The following AAK1 variants were observed in gnomAD, a reference collection of about 807,000 sequenced individuals.
The protein encoded by AAK1 is AP2-associated protein kinase 1.
Under a neutral mutation model 116.0 loss-of-function variants are expected in AAK1, and 37 were observed. The ratio of observed to expected loss-of-function variants is 0.32; its 90% CI spans 0.25 to 0.42. The LOEUF (loss-of-function observed/expected upper bound fraction) is 0.42. Among genes scored for constraint, AAK1 ranks in the 10% least tolerant of loss-of-function variants. The pLI, the probability that AAK1 is intolerant of heterozygous loss-of-function variation, is 1.00. For missense variants in AAK1, 919 were observed against 1,170.6 expected (o/e 0.79, Z 3.14); for synonymous variants, 458 against 439.9 (o/e 1.04, Z -0.51).
intron 2 of AAK1, among the ~76,000 whole-genome samples, chr2:69,609,290 GA>G (rs1184323049): frequency 6.6e-6 from 1 of 152,148 alleles, no homozygotes; most frequent in Non-Finnish European, 1.5e-5. Context: ...CTAAACCCAG[GA>G]GGGGGAGGTT....
rs1187503864 is a variant in AAK1 at position 69,463,137 on chromosome 2, G to C, written c.*12732C>G. 6.6e-6 allele frequency: 1 copy of C among 152,096 alleles called. No individual in the cohort carries two copies. Among genetic ancestry groups the C allele is most frequent in the Non-Finnish European group, 1.5e-5 (1 of 68,024 alleles). 9.4% of individuals were successfully genotyped at this position (152,096 alleles called of 1,614,324 possible). On this transcript the variant is annotated 3_prime_UTR_variant, in exon 22 of 22. Transcript: ENST00000409085. ...ACACCTAATCAACCGCAATAGAATT[G>C]GGCATTCAGACTTGATTCTTAGATG...
intron 2 of AAK1, among the ~76,000 whole-genome samples, chr2:69,602,112 G>A (rs1301444534): frequency 1.3e-5 from 2 of 152,134 alleles, no homozygotes; most frequent in African/African-American, 4.8e-5. Flanking sequence ...AGTAGAACTG[G>A]CCTGTAAACT....
At chr2:69,492,180 T>A (rs1320188002) in intron 17 of AAK1, among the ~76,000 whole-genome samples, 1 of 152,110 alleles carries the variant, frequency 6.6e-6, no homozygotes, top group East Asian at 1.9e-4. Flanking sequence ...TTAAAAGTCA[T>A]TGAAACGCAT....
chr2:69,492,296 C>T (rs765937797), intron 17 of AAK1, among the ~76,000 whole-genome samples: 8 of 151,790 alleles, frequency 5.3e-5, no homozygotes, highest in Non-Finnish European at 1.2e-4. Flanking sequence ...TCACTGCAAT[C>T]TCTGCCTCCC....
chr2:69,480,811 G>T, intron 19 of AAK1, 49 bp downstream of exon 19: 1 of 1,494,792 alleles, frequency 6.7e-7, no homozygotes, highest in Non-Finnish European at 9.1e-7. Context: ...CTGGCTCAGA[G>T]GTTCACCACA....
intron 14 of AAK1, among the ~76,000 whole-genome samples, chr2:69,507,914 C>T (rs1325488909): frequency 6.6e-6 from 1 of 152,094 alleles, no homozygotes; most frequent in African/African-American, 2.4e-5. Flanking sequence ...AACATGTTGG[C>T]CAGGCTGGTC....
chr2:69,599,295 T>C (rs1393271661), intron 2 of AAK1, among the ~76,000 whole-genome samples: 4 of 151,936 alleles, frequency 2.6e-5, no homozygotes, highest in African/African-American at 9.7e-5. Flanking sequence ...GAAAGCAATG[T>C]AGAGTTTTAC....
intron 3 of AAK1, among the ~76,000 whole-genome samples, chr2:69,551,261 A>C (rs933773667): frequency 2.0e-4 from 30 of 152,114 alleles, no homozygotes; most frequent in Admixed American, 1.8e-3. Flanking sequence ...AGGGAGAGAG[A>C]GCATCAGGAA....
chr2:69,526,009 G>C (rs560034947), intron 9 of AAK1, among the ~76,000 whole-genome samples: 1 of 152,126 alleles, frequency 6.6e-6, no homozygotes, highest in Admixed American at 6.6e-5. Context: ...GTTTCCAGGT[G>C]GGGGGAGATT....
rs1343518565 is a variant in AAK1 at position 69,640,053 on chromosome 2, A to ACACT, written c.163+2824_163+2825insAGTG. Reference sequence around the variant, plus strand: ...CACACACACACACACACACACACACACTCTCTCTCTCTCTCTCTCTCTCTC... The same window carrying ACACT: ...CACACACACACACACACACACACACACACTCTCTCTCTCTCTCTCTCTCTCTCTC... On this transcript the variant is annotated intron_variant, in intron 2 of 21. Coordinates refer to ENST00000409085, the MANE Select transcript of AAK1 (RefSeq NM_014911.5). Among the ~76,000 whole-genome samples, 371 of 92,758 alleles carry ACACT rather than the reference A, an allele frequency of 4.0e-3. 1 individual carries two copies. The highest frequency in any genetic ancestry group is 0.018 in the Middle Eastern group (3 of 170). The allele number at this position is 92,758 out of a possible 152,430, so 60.9% of individuals were successfully genotyped here. A position where few individuals can be genotyped will look rare whatever the true frequency, so the allele number is the denominator to read the frequency against.
intron 17 of AAK1, among the ~76,000 whole-genome samples, chr2:69,485,434 A>T (rs1675255447): frequency 6.6e-6 from 1 of 151,786 alleles, no homozygotes; most frequent in South Asian, 2.1e-4. Flanking sequence ...CTTGTCACTC[A>T]ATACTATCTC....
rs115327870 is a variant in AAK1, at chr2:69,503,535, T to C, written c.2269+2034A>G. 8.3e-3 allele frequency among the ~76,000 whole-genome samples: 1,257 copies of C among 152,330 alleles called. 19 individuals are homozygous for C. The highest frequency in any genetic ancestry group is 0.029 in the African/African-American group (1,199 of 41,572). Reference sequence around the variant, plus strand: ...GAAGTTTTGTTTTTGTTTTTGTTTTTTTGAGACAGGATCTCACGCTGTTGC... The same window carrying C: ...GAAGTTTTGTTTTTGTTTTTGTTTTCTTGAGACAGGATCTCACGCTGTTGC... On this transcript the variant is annotated intron_variant, in intron 16 of 21. Transcript: ENST00000409085.
chr2:69,631,284 T>A (rs1167945540), intron 2 of AAK1, among the ~76,000 whole-genome samples: 1 of 152,234 alleles, frequency 6.6e-6, no homozygotes, highest in East Asian at 1.9e-4. Context: ...GCTGTAAGTG[T>A]CCTTGAAAAC....
At chr2:69,538,417 C>G (rs1670568001) in intron 5 of AAK1, among the ~76,000 whole-genome samples, 1 of 152,262 alleles carries the variant, frequency 6.6e-6, no homozygotes, top group Non-Finnish European at 1.5e-5. Flanking sequence ...ACACTGAGCT[C>G]TGTCTCCAGG....
chr2:69,630,410 C>CT (rs944064143), intron 2 of AAK1, among the ~76,000 whole-genome samples: 6 of 151,102 alleles, frequency 4.0e-5, no homozygotes, highest in Non-Finnish European at 7.4e-5. Context: ...TTCCAAAACT[C>CT]TAACTCCACC....
chr2:69,608,737 T>C (rs780235333), intron 2 of AAK1, among the ~76,000 whole-genome samples: 1 of 152,162 alleles, frequency 6.6e-6, no homozygotes, highest in Non-Finnish European at 1.5e-5. Flanking sequence ...ACATGGCATA[T>C]TAAAAGCTTA....
chr2:69,484,381 G>T (rs1047739364), intron 17 of AAK1, among the ~76,000 whole-genome samples: 3 of 152,180 alleles, frequency 2.0e-5, no homozygotes, highest in Admixed American at 2.0e-4. Flanking sequence ...TTAACACACT[G>T]CAGAAAAAGA....
chr2:69,488,149 C>T (rs201786143), intron 17 of AAK1, among the ~76,000 whole-genome samples: 31 of 144,654 alleles, frequency 2.1e-4, no homozygotes, highest in South Asian at 4.5e-4. Context: ...TGTGTGTGGA[C>T]GTGTGTGTGT....
Position 69,468,736 on chromosome 2 carries a change from G to T in AAK1, c.*7133C>A. ...TGAACCAGGGGCACTTTGGATGCCT[G>T]AAGTGCTAGATTACATTTTGAGAAC... On this transcript the variant is annotated 3_prime_UTR_variant, in exon 22 of 22. Coordinates refer to ENST00000409085, the MANE Select transcript of AAK1 (RefSeq NM_014911.5). 1.0e-6 allele frequency: 1 copy of T among 985,438 alleles called. No homozygotes were observed. Among genetic ancestry groups the T allele is most frequent in the Non-Finnish European group, 1.2e-6 (1 of 829,940 alleles). 61.0% of individuals were successfully genotyped at this position (985,438 alleles called of 1,614,324 possible).
Sources: allele counts gnomAD v4.1 joint callset (sites outside exome capture counted in the v4.1 genomes callset), GRCh38; gene constraint gnomAD v4.1.1; transcripts MANE v1.5; gene names NCBI Gene and HGNC (gene_info 2026-07-23, HGNC 2026-07-21).